Variants in CALN1 observed in about 807,000 individuals in gnomAD.
CALN1 encodes the protein calcium-binding protein 8.
In CALN1, 17 loss-of-function variants were observed where a neutral mutation model predicts 30.6. The observed-to-expected ratio is 0.56, with a 90% CI of 0.38 to 0.83. CALN1 has a LOEUF of 0.83. Among genes scored for constraint, CALN1 ranks in the 40% least tolerant of loss-of-function variants. The pLI is 0.00. For synonymous variants in CALN1, 156 were observed against 131.4 expected, an observed-to-expected ratio of 1.19 and a Z score of -1.28; for missense variants, 291 against 354.9, an observed-to-expected ratio of 0.82 and a Z score of 1.45.
rs146989677 is a variant in CALN1, at chr7:72,147,495, T to C, written c.245-41201A>G. 5.3e-3 allele frequency among the ~76,000 whole-genome samples: 681 copies of C among 128,554 alleles called. 70 individuals are homozygous for C. The highest frequency in any genetic ancestry group is 0.019 in the African/African-American group (662 of 34,870). The allele number at this position is 128,554 out of a possible 152,430, so 84.3% of individuals were successfully genotyped here. A position where few individuals can be genotyped will look rare whatever the true frequency, so the allele number is the denominator to read the frequency against. On this transcript the variant is annotated intron_variant, in intron 3 of 6. Transcript: ENST00000395275. ...GTGTTGGAGAGGACTGTTACACTGTTGGTGGGACTGTAAACTGGTTCAACC... is the reference window on the plus strand; with the variant it reads ...GTGTTGGAGAGGACTGTTACACTGTCGGTGGGACTGTAAACTGGTTCAACC...
chr7:72,324,161 C>G (rs1801101095), intron 2 of CALN1, among the ~76,000 whole-genome samples: 1 of 151,888 alleles, frequency 6.6e-6, no homozygotes, highest in Non-Finnish European at 1.5e-5. Context: ...CCTCCCAGGC[C>G]CCAGGAGACT....
intron 2 of CALN1, among the ~76,000 whole-genome samples, chr7:72,345,038 T>C (rs981965982): frequency 1.4e-5 from 2 of 148,100 alleles, no homozygotes; most frequent in Admixed American, 6.8e-5. Context: ...GCACATGTTA[T>C]ATATTATATC....
intron 5 of CALN1, among the ~76,000 whole-genome samples, chr7:71,826,047 AAAAAAAAAAAAAG>A (rs1392525278): frequency 6.7e-6 from 1 of 150,182 alleles, no homozygotes; most frequent in Non-Finnish European, 1.5e-5. Flanking sequence ...AAAAAAAAAA[AAAAAAAAAAAAAG>A]GCAGAAAACA....
intron 2 of CALN1, among the ~76,000 whole-genome samples, chr7:72,291,099 T>C (rs1295659317): frequency 2.0e-5 from 3 of 152,082 alleles, no homozygotes; most frequent in Non-Finnish European, 4.4e-5. Flanking sequence ...AATTTTTGTA[T>C]TTTCAGTAGA....
chr7:72,188,322 T>C (rs1790353476), intron 3 of CALN1, among the ~76,000 whole-genome samples: 1 of 152,128 alleles, frequency 6.6e-6, no homozygotes, highest in Non-Finnish European at 1.5e-5. Flanking sequence ...AGTTTACGTA[T>C]ACATATTCTT....
intron 2 of CALN1, among the ~76,000 whole-genome samples, chr7:72,297,128 C>T (rs982734943): frequency 1.3e-5 from 2 of 152,106 alleles, no homozygotes; most frequent in Non-Finnish European, 2.9e-5. Context: ...TATGTTGTGT[C>T]TTTGTTCCCG....
At chr7:71,981,269 G>A (rs1584671020) in intron 5 of CALN1, among the ~76,000 whole-genome samples, 1 of 152,186 alleles carries the variant, frequency 6.6e-6, no homozygotes, top group East Asian at 1.9e-4. Context: ...CCAAAGGCAG[G>A]ACTCTAATCT....
chr7:72,299,710 T>TAAA (rs1554358698), intron 2 of CALN1, among the ~76,000 whole-genome samples: 41 of 137,638 alleles, frequency 3.0e-4, no homozygotes, highest in African/African-American at 1.1e-3. Context: ...TTTTTTTTTT[T>TAAA]AAAAAGAGAG....
chr7:72,091,467 T>C (rs1434263922), intron 4 of CALN1, among the ~76,000 whole-genome samples: 2 of 152,212 alleles, frequency 1.3e-5, no homozygotes, highest in South Asian at 2.1e-4. Context: ...CCTGATTTGA[T>C]CATCACACAT....
upstream of CALN1, among the ~76,000 whole-genome samples, chr7:72,415,283 T>C (rs1807386915): frequency 6.6e-6 from 1 of 152,228 alleles, no homozygotes; most frequent in Non-Finnish European, 1.5e-5. Context: ...CATTGTGTCA[T>C]CCACTCCAGA....
intron 3 of CALN1, among the ~76,000 whole-genome samples, chr7:72,263,151 A>G (rs1796381913): frequency 6.6e-6 from 1 of 152,204 alleles, no homozygotes; most frequent in Non-Finnish European, 1.5e-5. Flanking sequence ...CATCATAACA[A>G]TAACAATAAT....
At chr7:72,413,233 T>G (rs969537039), upstream of CALN1, among the ~76,000 whole-genome samples, 3 of 147,992 alleles carry the variant, frequency 2.0e-5, no homozygotes, top group African/African-American at 7.5e-5. Context: ...ACATATACAC[T>G]CACACACACC....
chr7:71,932,551 C>A (rs908528882), intron 5 of CALN1, among the ~76,000 whole-genome samples: 1 of 152,030 alleles, frequency 6.6e-6, no homozygotes, highest in South Asian at 2.1e-4. Flanking sequence ...GGGTGGCTCA[C>A]GCCTGTAATC....
At chr7:72,344,253 C>G (rs1802513892) in intron 2 of CALN1, among the ~76,000 whole-genome samples, 2 of 152,102 alleles carry the variant, frequency 1.3e-5, no homozygotes, top group South Asian at 4.1e-4. Context: ...CATGGGCTAT[C>G]TGAATTCCCA....
chr7:72,285,173 C>A (rs1013684080), intron 2 of CALN1, among the ~76,000 whole-genome samples: 2 of 152,136 alleles, frequency 1.3e-5, no homozygotes, highest in African/African-American at 4.8e-5. Flanking sequence ...AAGCACTTGA[C>A]CAGTGGACTT....
chr7:71,857,253 A>G (rs145123686), intron 5 of CALN1, among the ~76,000 whole-genome samples: 151 of 152,326 alleles, frequency 9.9e-4, no homozygotes, highest in African/African-American at 3.6e-3. Context: ...TGGTGCCTCC[A>G]TATTCTGCAA....
At position 71,893,700 on chromosome 7, in the gene CALN1, GA is replaced by G. The variant is rs113985093; in HGVS notation, c.502-83209del. ...AGCAAGACTCTGTCTTGAATACAAA[GA>G]AAAAAAAAAAAGAATAAGGTGCTTC... On this transcript the variant is annotated intron_variant, in intron 5 of 6. Coordinates refer to ENST00000395275, the MANE Select transcript of CALN1 (RefSeq NM_031468.4). Among the ~76,000 whole-genome samples, 399 of 136,630 alleles carry G rather than the reference GA, an allele frequency of 2.9e-3. 3 individuals carry two copies. The highest frequency in any genetic ancestry group is 0.021 in the South Asian group (90 of 4,250). The allele number at this position is 136,630 out of a possible 152,430, so 89.6% of individuals were successfully genotyped here.
chr7:72,222,662 C>T (rs527599331), intron 3 of CALN1, among the ~76,000 whole-genome samples: 1 of 152,228 alleles, frequency 6.6e-6, no homozygotes, highest in Admixed American at 6.5e-5. Flanking sequence ...TGGTTTTTCA[C>T]CCACCTCTCA....
At chr7:72,343,832 C>G (rs751788949) in intron 2 of CALN1, among the ~76,000 whole-genome samples, 1 of 152,042 alleles carries the variant, frequency 6.6e-6, no homozygotes, top group African/African-American at 2.4e-5. Context: ...TGTCTCCAGG[C>G]GAAACCTTTC....
Sources: allele counts gnomAD v4.1 joint callset (sites outside exome capture counted in the v4.1 genomes callset), GRCh38; gene constraint gnomAD v4.1.1; transcripts MANE v1.5; gene names NCBI Gene and HGNC (gene_info 2026-07-23, HGNC 2026-07-21).